The following ETHE1 variants were observed in gnomAD, a reference collection of about 807,000 sequenced individuals.
The protein encoded by ETHE1 is ETHE1 persulfide dioxygenase.
In ETHE1, 16 loss-of-function variants were observed where a neutral mutation model predicts 25.7. That is an observed-to-expected ratio of 0.62 (90% CI 0.42 to 0.95). ETHE1 has a LOEUF of 0.95. Among genes scored for constraint, ETHE1 ranks in the 40% least tolerant of loss-of-function variants. The probability of loss-of-function intolerance (pLI) is 0.00; values close to 1 mark genes in which losing one functional copy is unlikely to be tolerated. For synonymous variants in ETHE1, 139 were observed against 135.9 expected, an observed-to-expected ratio of 1.02 and a Z score of -0.16; for missense variants, 300 against 333.6, an observed-to-expected ratio of 0.90 and a Z score of 0.79.
rs772901046 is a variant in ETHE1, at chr19:43,520,699, C to CA, written c.375+5501dup. Among the ~76,000 whole-genome samples the CA allele has an allele frequency of 6.2e-3, 754 of 121,034 alleles. 5 individuals are homozygous for CA. Among genetic ancestry groups the CA allele is most frequent in the African/African-American group, 0.02 (646 of 31,892 alleles). 79.4% of individuals were successfully genotyped at this position (121,034 alleles called of 152,430 possible). A position where few individuals can be genotyped will look rare whatever the true frequency, so the allele number is the denominator to read the frequency against. ...TGGATGACAAAGTGAGACCCTGTCT[C>CA]AAAAAAAAAAAAAAATTTTTTTTCA... is the stretch of plus-strand genomic sequence containing the variant. On this transcript the variant is annotated intron_variant, in intron 3 of 6. Coordinates refer to ENST00000292147, the MANE Select transcript of ETHE1 (RefSeq NM_014297.5).
intron 3 of ETHE1, among the ~76,000 whole-genome samples, chr19:43,515,811 G>C (rs1241332040): frequency 6.6e-6 from 1 of 152,094 alleles, no homozygotes; most frequent in Non-Finnish European, 1.5e-5. Context: ...CCTGACCTCA[G>C]GTGATTCACC....
chr19:43,510,928 T>A (rs1184615354), intron 4 of ETHE1, among the ~76,000 whole-genome samples: 1 of 152,154 alleles, frequency 6.6e-6, no homozygotes, highest in Non-Finnish European at 1.5e-5. Context: ...CCACCTGAGC[T>A]CTGCCTCCTG....
chr19:43,511,393 C>A (rs377105767), intron 4 of ETHE1, 44 bp downstream of exon 4: 1 of 1,613,790 alleles, frequency 6.2e-7, no homozygotes, highest in South Asian at 1.1e-5. Context: ...TTGACACACA[C>A]GTAACTATAT....
In ETHE1 at chr19:43,520,715, T is replaced by A. The variant is rs560728654; in HGVS notation, c.375+5486A>T. Among the ~76,000 whole-genome samples, 356 of 149,336 alleles carry A rather than the reference T, an allele frequency of 2.4e-3. 2 individuals are homozygous for A. Among genetic ancestry groups the A allele is most frequent in the East Asian group, 5.5e-3 (28 of 5,080 alleles). On this transcript the variant is annotated intron_variant, in intron 3 of 6. Transcript: ENST00000292147. Reference sequence around the variant, plus strand: ...ACCCTGTCTCAAAAAAAAAAAAAAATTTTTTTTCAGCTTTTCTCTATGCTT... The same window carrying A: ...ACCCTGTCTCAAAAAAAAAAAAAAAATTTTTTTCAGCTTTTCTCTATGCTT...
At chr19:43,526,429 T>C in intron 2 of ETHE1, 80 bp from the exon 3 acceptor site, 1 of 1,604,056 alleles carries the variant, frequency 6.2e-7, no homozygotes, top group Non-Finnish European at 8.5e-7. Context: ...TCCCTCAGAC[T>C]CAGGAGTTCT....
chr19:43,510,076 G>A (rs1017607412), intron 4 of ETHE1, among the ~76,000 whole-genome samples: 10 of 152,178 alleles, frequency 6.6e-5, no homozygotes, highest in African/African-American at 1.4e-4. Context: ...TGGCTTCCAC[G>A]GCCATCTCAT....
chr19:43,515,572 CTGTTTTGTTT>C (rs201252431), intron 3 of ETHE1, among the ~76,000 whole-genome samples: 4 of 151,738 alleles, frequency 2.6e-5, no homozygotes, highest in African/African-American at 4.8e-5. Context: ...CCTATAAATA[CTGTTTTGTTT>C]TGTTTTGTTT....
At chr19:43,515,438 A>G (rs941591504) in intron 3 of ETHE1, among the ~76,000 whole-genome samples, 5 of 151,032 alleles carry the variant, frequency 3.3e-5, no homozygotes, top group Non-Finnish European at 4.4e-5. Context: ...AAAAAAAAAG[A>G]CAGTGAAAAG....
chr19:43,515,572 C>CTGTTT (rs201252431), intron 3 of ETHE1, among the ~76,000 whole-genome samples: 5,587 of 151,822 alleles, frequency 0.037, 152 homozygotes, highest in South Asian at 0.09. Context: ...CCTATAAATA[C>CTGTTT]TGTTTTGTTT....
At position 43,508,826 on chromosome 19, in the gene ETHE1, T is replaced by C. The variant is rs1021259650; in HGVS notation, c.544A>G (p.Ile182Val). The C allele has an allele frequency of 3.1e-6, 5 of 1,608,954 alleles. No homozygotes were observed. Among genetic ancestry groups the C allele is most frequent in the Middle Eastern group, 1.6e-4 (1 of 6,068 alleles). ...KTLYHSVHEK[I>V]FTLPGDCLIY... The stretch of plus-strand genomic sequence containing the variant: ...AGACAGTCTCCTGGAAGTGTGAAGA[T>C]CTTTTCATGGACCGAGTGGTACAAG... Residue 182 changes from isoleucine to valine, a missense_variant, in exon 5 of 7, where the codon ATC becomes GTC. Transcript: ENST00000292147.
rs77979210 is a variant in ETHE1, at chr19:43,515,417, T to TA, written c.376-3852dup. On this transcript the variant is annotated intron_variant, in intron 3 of 6. Coordinates refer to ENST00000292147, the MANE Select transcript of ETHE1 (RefSeq NM_014297.5). ...GGATGACAAGAGCAAAACTCCGCCT[T>TA]AAAAAAAAAAAAAAAAAAAGACAGT... is the stretch of plus-strand genomic sequence containing the variant. 7.6e-3 allele frequency among the ~76,000 whole-genome samples: 736 copies of TA among 97,246 alleles called. 1 individual carries two copies. The highest frequency in any genetic ancestry group is 0.047 in the Middle Eastern group (8 of 172). 63.8% of individuals were successfully genotyped at this position (97,246 alleles called of 152,430 possible).
At chr19:43,507,714 C>A in intron 6 of ETHE1, 1 of 562,916 alleles carries the variant, frequency 1.8e-6, no homozygotes, top group Non-Finnish European at 3.2e-6. Context: ...AGGCCCCCAG[C>A]CCCTACTGCC....
chr19:43,511,526 C>T lies in ETHE1; in HGVS notation c.416G>A (p.Cys139Tyr), dbSNP rs1239059892. 1 of 1,614,146 alleles carries T rather than the reference C, an allele frequency of 6.2e-7. No homozygotes were observed. The highest frequency in any genetic ancestry group is 8.5e-7 in the Non-Finnish European group (1 of 1,180,042). Residue 139 changes from cysteine (C) to tyrosine (Y), a missense_variant, in exon 4 of 7, where the codon TGT (cysteine) becomes TAT (tyrosine). By Grantham distance (194) the Cys-to-Tyr change is radical. Coordinates refer to ENST00000292147, the MANE Select transcript of ETHE1 (RefSeq NM_014297.5). Reference sequence around the variant, plus strand: ...GTGGTCATTCAGGACGAAGGTGACACAGCCTGGGGTGTGGCCAGGGCTGGC... The same window carrying T: ...GTGGTCATTCAGGACGAAGGTGACATAGCCTGGGGTGTGGCCAGGGCTGGC... Reference protein sequence around the residue: ...TRASPGHTPGCVTFVLNDHSM... With the variant: ...TRASPGHTPGYVTFVLNDHSM...
At chr19:43,518,456 C>G (rs1231648961) in intron 3 of ETHE1, among the ~76,000 whole-genome samples, 1 of 151,936 alleles carries the variant, frequency 6.6e-6, no homozygotes, top group African/African-American at 2.4e-5. Flanking sequence ...TATAAAGTTA[C>G]TGCATATTGG....
chr19:43,521,887 C>T (rs961352775), intron 3 of ETHE1, among the ~76,000 whole-genome samples: 2 of 152,014 alleles, frequency 1.3e-5, no homozygotes, highest in African/African-American at 2.4e-5. Flanking sequence ...CAGCATTATT[C>T]GTGGTAGCCA....
intron 3 of ETHE1, among the ~76,000 whole-genome samples, chr19:43,518,999 G>GTGTATTTTTTTTT (rs1568497899): frequency 1.1e-5 from 1 of 91,012 alleles, no homozygotes; most frequent in African/African-American, 4.2e-5. Context: ...ATTTGTGCTT[G>GTGTATTTTTTTTT]TTTTTTTTTT....
intron 3 of ETHE1, among the ~76,000 whole-genome samples, chr19:43,513,529 C>G (rs1330772152): frequency 1.3e-5 from 2 of 152,190 alleles, no homozygotes; most frequent in Non-Finnish European, 2.9e-5. Context: ...ATTTGACTGC[C>G]CCACTGGATT....
chr19:43,518,374 A>G (rs1412301985), intron 3 of ETHE1, among the ~76,000 whole-genome samples: 1 of 151,032 alleles, frequency 6.6e-6, no homozygotes, highest in African/African-American at 2.4e-5. Context: ...AAGAAAAAAG[A>G]AAAAAAAAGC....
At chr19:43,518,996 C>CTTTTTTTT (rs1600005859) in intron 3 of ETHE1, among the ~76,000 whole-genome samples, 1 of 81,106 alleles carries the variant, frequency 1.2e-5, no homozygotes, top group East Asian at 5.2e-4. Flanking sequence ...GAAATTTGTG[C>CTTTTTTTT]TTGTTTTTTT....
Sources: gnomAD v4.1 joint callset for allele counts (sites outside exome capture counted in the v4.1 genomes callset) on GRCh38, gnomAD v4.1.1 for gene constraint, MANE v1.5 for transcripts, NCBI Gene and HGNC (gene_info 2026-07-23, HGNC 2026-07-21) for gene names.